Variants in CHRNB1 observed in about 807,000 individuals in gnomAD.
CHRNB1 encodes cholinergic receptor nicotinic beta 1 subunit, also known as acetylcholine receptor subunit beta.
CHRNB1 carries 47 observed loss-of-function variants against 53.8 expected under a neutral mutation model. The observed-to-expected ratio is 0.87, with a 90% CI of 0.69 to 1.11. The LOEUF is 1.11. Among genes scored for constraint, CHRNB1 ranks in the 50% most tolerant of loss-of-function variants. CHRNB1 has a pLI of 0.00. For missense variants in CHRNB1, 605 were observed against 654.9 expected (o/e 0.92, Z 0.83); for synonymous variants, 259 against 263.5 (o/e 0.98, Z 0.16).
Position 7,445,363 on chromosome 17 carries a change from G to A in CHRNB1, c.152G>A (p.Arg51His), listed in dbSNP as rs1908559723. 6.2e-7 allele frequency: 1 copy of A among 1,612,790 alleles called. No individual in the cohort carries two copies. Among genetic ancestry groups the A allele is most frequent in the South Asian group, 1.1e-5 (1 of 91,040 alleles). ...SVRPAREVGD[R>H]VRVSVGLILA... ...CGGCCAGCGCGGGAGGTGGGAGACCGTGTCAGGGTCAGCGTTGGTCTCATC... is the reference window on the plus strand; with the variant it reads ...CGGCCAGCGCGGGAGGTGGGAGACCATGTCAGGGTCAGCGTTGGTCTCATC... The change falls in exon 2 of 11, where the codon CGT becomes CAT. Residue 51 changes from arginine to histidine, a missense_variant. Arg to His is a conservative substitution (Grantham distance 29, BLOSUM62 0). Transcript: ENST00000306071. This position sits in a 1 kb window ranked among gnomAD's most constrained non-coding sequence, Gnocchi z 5.7.
intron 7 of CHRNB1, among the ~76,000 whole-genome samples, chr17:7,452,725 A>G (rs868829493): frequency 6.6e-6 from 1 of 152,182 alleles, no homozygotes; most frequent in Non-Finnish European, 1.5e-5. Context: ...TCTGCATGCA[A>G]TTAAACGTAG....
chr17:7,445,324 A>G lies in CHRNB1; in HGVS notation c.113A>G (p.Tyr38Cys). ...GRLREKLFSGYDSSVRPAREV... is the reference protein window; with the variant it reads ...GRLREKLFSGCDSSVRPAREV... ...CTCCGGGAGAAACTTTTCTCTGGCT[A>G]TGATAGCTCCGTGCGGCCAGCGCGG... Residue 38 changes from tyrosine (Y) to cysteine (C), a missense_variant, in exon 2 of 11, where the codon TAT (tyrosine) becomes TGT (cysteine). By Grantham distance (194) the Tyr-to-Cys change is radical. Transcript: ENST00000306071. This position sits in a 1 kb window ranked among gnomAD's most constrained non-coding sequence, Gnocchi z 5.7. The G allele has an allele frequency of 6.2e-7, 1 of 1,613,068 alleles. No homozygotes were observed. Among genetic ancestry groups the G allele is most frequent in the Non-Finnish European group, 8.5e-7 (1 of 1,179,850 alleles).
At position 7,457,035 on chromosome 17, in the gene CHRNB1, T is replaced by C. The variant is rs1312031387; in HGVS notation, c.*312T>C. 2 of 358,142 alleles carry C rather than the reference T, an allele frequency of 5.6e-6. No individual in the cohort carries two copies. The highest frequency in any genetic ancestry group is 1.1e-5 in the Non-Finnish European group (2 of 188,374). The allele number at this position is 358,142 out of a possible 1,614,324, so 22.2% of individuals were successfully genotyped here. On this transcript the variant is annotated 3_prime_UTR_variant, in exon 11 of 11. Transcript: ENST00000306071. ...CCTTATGAGGTCAAGAAATGTGACT[T>C]GGCCGGGCGCGGTGGCTCACGCCTG... is the stretch of plus-strand genomic sequence containing the variant.
At chr17:7,450,344 A>G (rs759586653) in intron 7 of CHRNB1, among the ~76,000 whole-genome samples, 1 of 151,922 alleles carries the variant, frequency 6.6e-6, no homozygotes, top group African/African-American at 2.4e-5. Context: ...GGGTTTCACT[A>G]TGTTGGCCAG....
intron 8 of CHRNB1, 118 bp from the exon 9 acceptor site, chr17:7,455,166 G>A (rs2069935678): frequency 9.6e-6 from 11 of 1,144,432 alleles, no homozygotes; most frequent in Non-Finnish European, 1.3e-5. Flanking sequence ...GTTTGTGGAA[G>A]AATATGCACG....
intron 6 of CHRNB1, 42 bp from the exon 7 acceptor site, chr17:7,448,537 C>T (rs1253044959): frequency 6.3e-7 from 1 of 1,599,352 alleles, no homozygotes; most frequent in African/African-American, 1.3e-5. Context: ...CTAACCAGGA[C>T]AGCTCTCACA....
chr17:7,456,832 C>A lies in CHRNB1; in HGVS notation c.*109C>A, dbSNP rs2069957794. The stretch of plus-strand genomic sequence containing the variant: ...TTAACTCCTTCACGAGGAATCTGGG[C>A]CTCTTATTTCGTTTCTGGGGACTGC... On this transcript the variant is annotated 3_prime_UTR_variant, in exon 11 of 11. Transcript: ENST00000306071. 6.8e-7 allele frequency: 1 copy of A among 1,465,284 alleles called. No homozygotes were observed. Among genetic ancestry groups the A allele is most frequent in the Non-Finnish European group, 9.4e-7 (1 of 1,065,258 alleles). 90.8% of individuals were successfully genotyped at this position (1,465,284 alleles called of 1,614,324 possible). A position where few individuals can be genotyped will look rare whatever the true frequency, so the allele number is the denominator to read the frequency against.
intron 8 of CHRNB1, among the ~76,000 whole-genome samples, chr17:7,454,794 C>CTT (rs1171593191): frequency 0.015 from 987 of 65,536 alleles, 126 homozygotes; most frequent in East Asian, 0.08. Flanking sequence ...CACTAAATAG[C>CTT]TTTTTTTTTT....
chr17:7,453,307 T>TG (rs1482765256), intron 7 of CHRNB1, among the ~76,000 whole-genome samples: 1 of 151,902 alleles, frequency 6.6e-6, no homozygotes, highest in African/African-American at 2.4e-5. Context: ...TTAGTAGAGA[T>TG]GGGGTTTCAC....
chr17:7,452,228 T>C (rs1185510719), intron 7 of CHRNB1, among the ~76,000 whole-genome samples: 1 of 152,010 alleles, frequency 6.6e-6, no homozygotes, highest in East Asian at 1.9e-4. Flanking sequence ...GCTAAATTTT[T>C]TGTAATTTAA....
At chr17:7,455,191 C>A in intron 8 of CHRNB1, 93 bp from the exon 9 acceptor site, 1 of 1,397,434 alleles carries the variant, frequency 7.2e-7, no homozygotes, top group Non-Finnish European at 1.0e-6. Context: ...TACTCACGCG[C>A]GGGAATGGGC....
chr17:7,453,217 G>C (rs897527226), intron 7 of CHRNB1, among the ~76,000 whole-genome samples: 3 of 151,950 alleles, frequency 2.0e-5, no homozygotes, highest in African/African-American at 2.4e-5. Flanking sequence ...TCCTGGGTTC[G>C]AGTGATTCTC....
rs1567679879 is a variant in CHRNB1 at position 7,455,401 on chromosome 17, G to T, written c.1162G>T (p.Asp388Tyr). The change falls in exon 9 of 11, where the codon GAT becomes TAT. Residue 388 changes from aspartate (D) to tyrosine (Y), a missense_variant. Asp to Tyr is a radical substitution (Grantham distance 160). Coordinates refer to ENST00000306071, the MANE Select transcript of CHRNB1 (RefSeq NM_000747.3). Reference sequence around the variant, plus strand: ...AGGAAGTGGCTGGGGTCGGGGAACAGATGAATATTTCATCCGGAAGCCGCC... The same window carrying T: ...AGGAAGTGGCTGGGGTCGGGGAACATATGAATATTTCATCCGGAAGCCGCC... ...SPGSGWGRGT[D>Y]EYFIRKPPSD... 6.2e-7 allele frequency: 1 copy of T among 1,614,164 alleles called. No individual in the cohort carries two copies. Among genetic ancestry groups the T allele is most frequent in the East Asian group, 2.2e-5 (1 of 44,884 alleles).
Position 7,446,934 on chromosome 17 carries a change from A to G in CHRNB1, c.345A>G (p.Leu115=). 6.2e-7 allele frequency: 1 copy of G among 1,613,206 alleles called. No individual in the cohort carries two copies. Among genetic ancestry groups the G allele is most frequent in the Non-Finnish European group, 8.5e-7 (1 of 1,179,590 alleles). ...AESVWLPDVV[L]LNNNDGNFDV... ...CCGTGTGGCTCCCTGACGTGGTGCTACTGAACAAGTAGGAGAACTTCCAAA... is the reference window on the plus strand; with the variant it reads ...CCGTGTGGCTCCCTGACGTGGTGCTGCTGAACAAGTAGGAGAACTTCCAAA... Residue 115 remains leucine (L), a synonymous_variant, in exon 4 of 11, where the codon CTA becomes CTG. Coordinates refer to ENST00000306071, the MANE Select transcript of CHRNB1 (RefSeq NM_000747.3).
intron 9 of CHRNB1, 83 bp downstream of exon 9, chr17:7,455,539 C>G: frequency 1.3e-6 from 2 of 1,546,548 alleles, no homozygotes; most frequent in African/African-American, 2.7e-5. Flanking sequence ...GCGGCCCATG[C>G]TCTCGGAAGA....
chr17:7,454,157 G>A (rs2150842280), intron 7 of CHRNB1, 140 bp from the exon 8 acceptor site: 1 of 768,588 alleles, frequency 1.3e-6, no homozygotes, highest in Non-Finnish European at 2.2e-6. Flanking sequence ...CTCCCAAAGT[G>A]CCAGGACTAC....
chr17:7,448,780 C>T lies in CHRNB1; in HGVS notation c.812C>T (p.Pro271Leu), dbSNP rs2150839468. The T allele has an allele frequency of 6.2e-7, 1 of 1,613,690 alleles. No individual in the cohort carries two copies. Among genetic ancestry groups the T allele is most frequent in the Non-Finnish European group, 8.5e-7 (1 of 1,179,558 alleles). Reference protein sequence around the residue: ...LLAIFVFYLPPDAGEKMGLSI... With the variant: ...LLAIFVFYLPLDAGEKMGLSI... ...GCCATCTTCGTCTTCTACCTGCCACCAGATGCAGGTAATGGGGGAAGGGGC... is the reference window on the plus strand; with the variant it reads ...GCCATCTTCGTCTTCTACCTGCCACTAGATGCAGGTAATGGGGGAAGGGGC... Residue 271 changes from proline (P) to leucine (L), a missense_variant, in exon 7 of 11, where the codon CCA becomes CTA. Transcript: ENST00000306071.
intron 7 of CHRNB1, among the ~76,000 whole-genome samples, chr17:7,449,135 A>C: frequency 2.3e-5 from 3 of 131,396 alleles, no homozygotes; most frequent in Non-Finnish European, 1.6e-5. Flanking sequence ...ATGGAGTCTC[A>C]CTCTGTCACC....
intron 5 of CHRNB1, 140 bp from the exon 6 acceptor site, chr17:7,447,363 C>A: frequency 1.9e-6 from 2 of 1,056,722 alleles, no homozygotes; most frequent in Non-Finnish European, 1.4e-6. Flanking sequence ...CTCCCCATCC[C>A]TCCCCCATTA....
Sources: allele counts gnomAD v4.1 joint callset (sites outside exome capture counted in the v4.1 genomes callset), GRCh38; gene constraint gnomAD v4.1.1; non-coding constraint Gnocchi (gnomAD v3.1); transcripts MANE v1.5; gene names NCBI Gene and HGNC (gene_info 2026-07-23, HGNC 2026-07-21).